AFAP1: variants seen among roughly 807,000 people sequenced by gnomAD.
AFAP1 encodes the protein actin filament associated protein 1.
Under a neutral mutation model 93.9 loss-of-function variants are expected in AFAP1, and 75 were observed. The ratio of observed to expected loss-of-function variants is 0.80; its 90% CI spans 0.66 to 0.97. The LOEUF (loss-of-function observed/expected upper bound fraction) is 0.97. AFAP1 is among the 50% of genes least tolerant of loss of function. The pLI, the probability that AFAP1 is intolerant of heterozygous loss-of-function variation, is 0.00. For synonymous variants in AFAP1, 517 were observed against 430.7 expected (o/e 1.20, Z -2.48); for missense variants, 1,201 against 1,050.8 (o/e 1.14, Z -1.98).
chr4:7,827,300 G>A (rs899681244), intron 6 of AFAP1, among the ~76,000 whole-genome samples: 13 of 152,106 alleles, frequency 8.5e-5, no homozygotes, highest in African/African-American at 1.4e-4. Context: ...GGCCGGGCAC[G>A]GTGGCTCATG....
chr4:7,890,169 A>T (rs2149206025), intron 1 of AFAP1, among the ~76,000 whole-genome samples: 1 of 152,360 alleles, frequency 6.6e-6, no homozygotes, highest in Non-Finnish European at 1.5e-5. Context: ...AATTATCAAT[A>T]CAGTGTGGTA....
intron 14 of AFAP1, chr4:7,777,798 T>C (rs959093901): frequency 1.3e-5 from 2 of 152,130 alleles, no homozygotes; most frequent in African/African-American, 4.8e-5. Flanking sequence ...CACCTGTAAA[T>C]CCCCACACTG....
intron 12 of AFAP1, among the ~76,000 whole-genome samples, chr4:7,784,075 C>T (rs55711312): frequency 0.39 from 36,413 of 93,914 alleles, 5,258 homozygotes; most frequent in East Asian, 0.73. Context: ...AGCCTGAGAG[C>T]CTGCCACAGG....
chr4:7,856,424 G>A (rs1042087579), intron 3 of AFAP1, among the ~76,000 whole-genome samples: 3 of 152,084 alleles, frequency 2.0e-5, no homozygotes, highest in Admixed American at 2.0e-4. Flanking sequence ...TGTATTTTTA[G>A]TAGAGACAGG....
intron 1 of AFAP1, among the ~76,000 whole-genome samples, chr4:7,873,627 CG>C (rs1240692998): frequency 2.6e-5 from 4 of 152,000 alleles, no homozygotes; most frequent in Non-Finnish European, 1.5e-5. Context: ...GGATTACAGA[CG>C]TGAGCCACCA....
chr4:7,893,648 G>A (rs1383293050), intron 1 of AFAP1, among the ~76,000 whole-genome samples: 2 of 151,212 alleles, frequency 1.3e-5, no homozygotes, highest in Non-Finnish European at 1.5e-5. Flanking sequence ...CCTCCAGCTT[G>A]GAACACCCTA....
rs903876957 is a variant in AFAP1, at chr4:7,759,108, T to C, written c.*4657A>G. ...GAAAACATTTTACAACGTATCACCATGGTCAATTAATTCTGAATATCACTT... is the reference window on the plus strand; with the variant it reads ...GAAAACATTTTACAACGTATCACCACGGTCAATTAATTCTGAATATCACTT... On this transcript the variant is annotated 3_prime_UTR_variant, in exon 18 of 18. Transcript: ENST00000420658. 3.3e-5 allele frequency: 5 copies of C among 152,670 alleles called. No homozygotes were observed. The highest frequency in any genetic ancestry group is 3.3e-4 in the Admixed American group (5 of 15,290). 9.5% of individuals were successfully genotyped at this position (152,670 alleles called of 1,614,324 possible).
Position 7,763,697 on chromosome 4 carries a change from C to T in AFAP1, c.*68G>A, listed in dbSNP as rs371904896. On this transcript the variant is annotated 3_prime_UTR_variant, in exon 18 of 18. Transcript: ENST00000420658. ...GGCCACTCTGGGCAGAGCTTCCTGC[C>T]GTCACACAGATGAGGATACAGGCAA... 1.9e-4 allele frequency: 286 copies of T among 1,543,472 alleles called. 1 individual carries two copies. Among genetic ancestry groups the T allele is most frequent in the Middle Eastern group, 1.0e-3 (6 of 5,920 alleles).
chr4:7,848,099 A>AGAAGGAAG (rs143271001), intron 4 of AFAP1, among the ~76,000 whole-genome samples: 8,928 of 115,930 alleles, frequency 0.077, 432 homozygotes, highest in East Asian at 0.15. Flanking sequence ...AGGGAAGGAA[A>AGAAGGAAG]GAAGGAAGGA....
chr4:7,908,429 C>T (rs1719552150), intron 1 of AFAP1, among the ~76,000 whole-genome samples: 1 of 152,168 alleles, frequency 6.6e-6, no homozygotes, highest in African/African-American at 2.4e-5. Flanking sequence ...CTAGAAGACA[C>T]TCAGTAAATG....
chr4:7,882,115 A>G (rs1038298879), intron 1 of AFAP1, among the ~76,000 whole-genome samples: 13 of 152,176 alleles, frequency 8.5e-5, no homozygotes, highest in African/African-American at 3.1e-4. Context: ...AAAACTATGA[A>G]GTCCTAAAGT....
In AFAP1 at chr4:7,939,402, A is replaced by T. The variant is rs1721594692; in HGVS notation, c.-3+254T>A. 1 of 318,030 alleles carries T rather than the reference A, an allele frequency of 3.1e-6. No homozygotes were observed. The highest frequency in any genetic ancestry group is 6.2e-6 in the Non-Finnish European group (1 of 160,742). The allele number at this position is 318,030 out of a possible 1,614,324, so 19.7% of individuals were successfully genotyped here. On this transcript the variant is annotated intron_variant, in intron 1 of 17. Transcript: ENST00000420658. The surrounding 1 kb of genome is among the most constrained non-coding windows in gnomAD (Gnocchi z 5.6). The stretch of plus-strand genomic sequence containing the variant: ...CGGGCAGGAGCCAGCGCCCGGGTCC[A>T]CGCAGTCCCCTCCGGGCAGACGCGG...
At chr4:7,837,895 G>C (rs77568549) in intron 6 of AFAP1, among the ~76,000 whole-genome samples, 6,894 of 152,058 alleles carry the variant, frequency 0.045, 433 homozygotes, top group African/African-American at 0.14. Context: ...GGCATGTCAT[G>C]CGAGCTAACT....
rs754103758 is a variant in AFAP1 at position 7,800,512 on chromosome 4, G to A, written c.1196C>T (p.Pro399Leu). 6 of 1,614,114 alleles carry A rather than the reference G, an allele frequency of 3.7e-6. No individual in the cohort carries two copies. The highest frequency in any genetic ancestry group is 1.7e-5 in the Admixed American group (1 of 60,014). Residue 399 changes from proline (P) to leucine (L), a missense_variant, in exon 10 of 18, where the codon CCG becomes CTG. Coordinates refer to ENST00000420658, the MANE Select transcript of AFAP1 (RefSeq NM_001134647.2). ...CAGAGGATGTTTAGAATCCAAACCC[G>A]GGATCACCTCGCAGCCACGGAGCGG... ...SIPLRGCEVIPGLDSKHPLTF... is the reference protein window; with the variant it reads ...SIPLRGCEVILGLDSKHPLTF...
intron 11 of AFAP1, among the ~76,000 whole-genome samples, chr4:7,788,288 C>G (rs1172036464): frequency 6.6e-6 from 1 of 152,210 alleles, no homozygotes; most frequent in African/African-American, 2.4e-5. Flanking sequence ...TAAGTGAAAA[C>G]CGGGGAGAGA....
intron 11 of AFAP1, among the ~76,000 whole-genome samples, chr4:7,788,412 G>C (rs1399538037): frequency 6.6e-6 from 1 of 152,248 alleles, no homozygotes; most frequent in African/African-American, 2.4e-5. Flanking sequence ...CCGCGGAAAT[G>C]GCTCCTCACA....
intron 16 of AFAP1, among the ~76,000 whole-genome samples, chr4:7,769,573 GAAC>G (rs919109128): frequency 4.6e-5 from 7 of 151,928 alleles, no homozygotes; most frequent in African/African-American, 1.5e-4. Flanking sequence ...GCTGAAAATA[GAAC>G]AACATGTGTC....
At chr4:7,873,661 T>C (rs1387209657) in intron 1 of AFAP1, among the ~76,000 whole-genome samples, 1 of 151,984 alleles carries the variant, frequency 6.6e-6, no homozygotes, top group Non-Finnish European at 1.5e-5. Context: ...ACACACCTTT[T>C]TAACGTATCA....
At chr4:7,789,899 A>G (rs1395613471) in intron 11 of AFAP1, among the ~76,000 whole-genome samples, 2 of 152,216 alleles carry the variant, frequency 1.3e-5, no homozygotes, top group Non-Finnish European at 1.5e-5. Context: ...GTGTTGTATA[A>G]TTTATGTATC....
Sources: allele counts gnomAD v4.1 joint callset (sites outside exome capture counted in the v4.1 genomes callset), GRCh38; gene constraint gnomAD v4.1.1; non-coding constraint Gnocchi (gnomAD v3.1); transcripts MANE v1.5; gene names NCBI Gene and HGNC (gene_info 2026-07-23, HGNC 2026-07-21).